KCNH5: variants seen among roughly 807,000 people sequenced by gnomAD.
The protein encoded by KCNH5 is voltage-gated delayed rectifier potassium channel KCNH5.
Under a neutral mutation model 96.1 loss-of-function variants are expected in KCNH5, and 46 were observed. That is an observed-to-expected ratio of 0.48 (90% confidence interval 0.38 to 0.61). The LOEUF (loss-of-function observed/expected upper bound fraction) is 0.61, where lower values mean the gene tolerates loss of function less well. Among genes scored for constraint, KCNH5 ranks in the 20% least tolerant of loss-of-function variants. The pLI is 0.00. For synonymous variants in KCNH5, 439 were observed against 449.8 expected (o/e 0.98, Z 0.30); for missense variants, 907 against 1,225.8 (o/e 0.74, Z 3.88).
At chr14:62,722,327 A>T (rs895607279) in intron 10 of KCNH5, among the ~76,000 whole-genome samples, 4 of 152,156 alleles carry the variant, frequency 2.6e-5, no homozygotes, top group African/African-American at 9.7e-5. Context: ...GGATTAGGGG[A>T]GTTATACTAA....
intron 1 of KCNH5, among the ~76,000 whole-genome samples, chr14:63,022,802 T>A (rs1211927340): frequency 6.6e-6 from 1 of 152,212 alleles, no homozygotes; most frequent in East Asian, 1.9e-4. Flanking sequence ...AATCTTTCCC[T>A]GACTGCTGAT....
intron 6 of KCNH5, among the ~76,000 whole-genome samples, chr14:62,954,321 T>C (rs937438142): frequency 9.9e-5 from 15 of 152,178 alleles, no homozygotes; most frequent in African/African-American, 2.9e-4. Context: ...TATGTTATCA[T>C]ACAGTTTCTG....
At chr14:62,944,762 C>T (rs913684828) in intron 7 of KCNH5, among the ~76,000 whole-genome samples, 5 of 151,998 alleles carry the variant, frequency 3.3e-5, no homozygotes, top group African/African-American at 4.8e-5. Context: ...AAGGAAATAT[C>T]CCATGAAATT....
At chr14:62,829,553 C>T (rs935438691) in intron 8 of KCNH5, among the ~76,000 whole-genome samples, 8 of 152,188 alleles carry the variant, frequency 5.3e-5, no homozygotes, top group African/African-American at 1.7e-4. Context: ...AGCAATGGCT[C>T]AGGCTGCACT....
At chr14:62,879,593 G>A (rs967794108) in intron 7 of KCNH5, among the ~76,000 whole-genome samples, 1 of 152,048 alleles carries the variant, frequency 6.6e-6, no homozygotes, top group Non-Finnish European at 1.5e-5. Context: ...CAAGCCTCCT[G>A]AAGGACCTTC....
chr14:62,881,329 ACTT>A (rs1888486912), intron 7 of KCNH5, among the ~76,000 whole-genome samples: 1 of 151,120 alleles, frequency 6.6e-6, no homozygotes, highest in Non-Finnish European at 1.5e-5. Context: ...AGAATGTCTC[ACTT>A]CTTTTTTTTT....
chr14:62,873,820 T>C (rs1888312428), intron 7 of KCNH5, among the ~76,000 whole-genome samples: 1 of 152,174 alleles, frequency 6.6e-6, no homozygotes, highest in East Asian at 1.9e-4. Context: ...CTGTCACCAG[T>C]CTGCTGCTGA....
At chr14:62,863,176 T>C (rs904200289) in intron 7 of KCNH5, among the ~76,000 whole-genome samples, 1 of 152,162 alleles carries the variant, frequency 6.6e-6, no homozygotes, top group African/African-American at 2.4e-5. Context: ...TCTAATGAGG[T>C]CCTTACATCT....
intron 10 of KCNH5, among the ~76,000 whole-genome samples, chr14:62,730,212 T>C (rs1410160494): frequency 1.3e-5 from 2 of 152,242 alleles, no homozygotes; most frequent in Non-Finnish European, 2.9e-5. Context: ...CTCTAGGCAC[T>C]TCCTTTTATA....
chr14:63,004,348 G>C (rs1005338709), intron 3 of KCNH5, among the ~76,000 whole-genome samples: 1 of 152,168 alleles, frequency 6.6e-6, no homozygotes, highest in Non-Finnish European at 1.5e-5. Context: ...AATGTAGATA[G>C]TGCACAGAAA....
chr14:62,738,696 TAAACA>T (rs540778728), intron 10 of KCNH5, among the ~76,000 whole-genome samples: 95 of 152,266 alleles, frequency 6.2e-4, no homozygotes, highest in African/African-American at 2.1e-3. Context: ...ATCAAACAGT[TAAACA>T]AGAAGCATTT....
At chr14:62,783,618 AT>A (rs200861754) in intron 9 of KCNH5, among the ~76,000 whole-genome samples, 1,862 of 152,284 alleles carry the variant, frequency 0.012, 32 homozygotes, top group African/African-American at 0.042. Flanking sequence ...TTGACTCAGT[AT>A]TTTCACTTCT....
At chr14:63,036,796 A>G (rs1891730216) in intron 1 of KCNH5, among the ~76,000 whole-genome samples, 2 of 152,176 alleles carry the variant, frequency 1.3e-5, no homozygotes, top group Admixed American at 6.6e-5. Context: ...AAGGGAAGCC[A>G]GTAGAAAGGG....
At chr14:62,998,534 G>A (rs553436887) in intron 4 of KCNH5, among the ~76,000 whole-genome samples, 1 of 152,122 alleles carries the variant, frequency 6.6e-6, no homozygotes, top group Admixed American at 6.6e-5. Flanking sequence ...AGTTTTCTAA[G>A]GTAGAATCTT....
chr14:62,823,505 G>A (rs982171630), intron 8 of KCNH5, among the ~76,000 whole-genome samples: 7 of 151,974 alleles, frequency 4.6e-5, no homozygotes, highest in African/African-American at 1.4e-4. Flanking sequence ...CACAGTCTCT[G>A]TTAGCAGCAG....
intron 10 of KCNH5, among the ~76,000 whole-genome samples, chr14:62,776,790 G>A (rs1250396014): frequency 3.3e-5 from 5 of 152,070 alleles, no homozygotes; most frequent in South Asian, 2.1e-4. Context: ...AGCTATATTC[G>A]CACAGTAAGC....
rs1037136580 is a variant in KCNH5, at chr14:62,707,641, T to C, written c.2834A>G (p.Lys945Arg). The part of the protein sequence containing the change: ...VAEILKILSE[K>R]SVPQASSPKS... Reference sequence around the variant, plus strand: ...GGGAGATGAGGCCTGGGGTACGCTTTTTTCCGACAGTATTTTTAAAATTTC... The same window carrying C: ...GGGAGATGAGGCCTGGGGTACGCTTCTTTCCGACAGTATTTTTAAAATTTC... Residue 945 changes from lysine (K) to arginine (R), a missense_variant, in exon 11 of 11, where the codon AAA becomes AGA. By Grantham distance (26) the Lys-to-Arg change is conservative (BLOSUM62 2). Coordinates refer to ENST00000322893, the MANE Select transcript of KCNH5 (RefSeq NM_139318.5). The C allele has an allele frequency of 7.6e-6, 12 of 1,584,126 alleles. No individual in the cohort carries two copies. The highest frequency in any genetic ancestry group is 7.8e-6 in the Non-Finnish European group (9 of 1,160,938).
chr14:62,951,297 A>C (rs1369055576), intron 6 of KCNH5, among the ~76,000 whole-genome samples: 1 of 152,220 alleles, frequency 6.6e-6, no homozygotes, highest in African/African-American at 2.4e-5. Flanking sequence ...CAAATAAGGG[A>C]TTATCCAAAT....
At chr14:63,004,153 G>C (rs1203098882) in intron 3 of KCNH5, among the ~76,000 whole-genome samples, 1 of 152,176 alleles carries the variant, frequency 6.6e-6, no homozygotes, top group Non-Finnish European at 1.5e-5. Flanking sequence ...ACAGTTTTCT[G>C]CAGATGTGAA....
Sources: allele counts gnomAD v4.1 joint callset (sites outside exome capture counted in the v4.1 genomes callset), GRCh38; gene constraint gnomAD v4.1.1; transcripts MANE v1.5; gene names NCBI Gene and HGNC (gene_info 2026-07-23, HGNC 2026-07-21).